Variants in COBL observed in about 807,000 individuals in gnomAD.
COBL encodes protein cordon-bleu.
In COBL, 51 loss-of-function variants were observed where a neutral mutation model predicts 98.8. The ratio of observed to expected loss-of-function variants is 0.52; its 90% CI spans 0.41 to 0.65. The LOEUF (loss-of-function observed/expected upper bound fraction) is 0.65. COBL is among the 30% of genes least tolerant of loss of function. COBL has a pLI of 0.00. For synonymous variants in COBL, 634 were observed against 651.7 expected, an observed-to-expected ratio of 0.97 and a Z score of 0.41; for missense variants, 1,617 against 1,617.5, an observed-to-expected ratio of 1.00 and a Z score of 0.01.
At chr7:51,290,636 C>T (rs1225268492) in intron 1 of COBL, among the ~76,000 whole-genome samples, 2 of 152,006 alleles carry the variant, frequency 1.3e-5, no homozygotes, top group Non-Finnish European at 2.9e-5. Context: ...TCCCTACTGC[C>T]CTGACTTTCT....
chr7:51,310,040 G>C (rs1802865545), intron 1 of COBL, among the ~76,000 whole-genome samples: 1 of 152,232 alleles, frequency 6.6e-6, no homozygotes, highest in Non-Finnish European at 1.5e-5. Context: ...CTGGGAAGCT[G>C]CGGTGGCAAA....
chr7:51,165,558 T>C (rs1370870656), intron 5 of COBL, among the ~76,000 whole-genome samples: 2 of 152,064 alleles, frequency 1.3e-5, no homozygotes, highest in Non-Finnish European at 2.9e-5. Context: ...GGACAGATCT[T>C]CCAAACAAAA....
At chr7:51,030,755 G>T in intron 9 of COBL, 57 bp downstream of exon 9, 1 of 1,103,990 alleles carries the variant, frequency 9.1e-7, no homozygotes, top group Non-Finnish European at 1.4e-6. Flanking sequence ...GGAAGTTACT[G>T]TTGGCACCTA....
intron 1 of COBL, among the ~76,000 whole-genome samples, chr7:51,265,514 T>C (rs1009776405): frequency 1.4e-4 from 22 of 152,158 alleles, no homozygotes; most frequent in African/African-American, 5.3e-4. Context: ...GCCCTAGGAA[T>C]AGAACTTATC....
At chr7:51,280,214 T>C (rs992290945) in intron 1 of COBL, among the ~76,000 whole-genome samples, 1 of 152,096 alleles carries the variant, frequency 6.6e-6, no homozygotes, top group Non-Finnish European at 1.5e-5. Context: ...GCCTGAAACC[T>C]GGGCAGTGGG....
intron 7 of COBL, 44 bp downstream of exon 7, chr7:51,085,122 A>C: frequency 6.2e-7 from 1 of 1,612,376 alleles, no homozygotes; most frequent in Non-Finnish European, 8.5e-7. Flanking sequence ...TCCAGGACAG[A>C]GCAAGCATCC....
chr7:51,111,172 T>C (rs1280118132), intron 6 of COBL, among the ~76,000 whole-genome samples: 1 of 152,214 alleles, frequency 6.6e-6, no homozygotes, highest in Non-Finnish European at 1.5e-5. Flanking sequence ...CTCTTCAACA[T>C]ACTAATTTCA....
chr7:51,102,397 G>T (rs992429634), intron 6 of COBL, among the ~76,000 whole-genome samples: 3 of 152,108 alleles, frequency 2.0e-5, no homozygotes, highest in Non-Finnish European at 4.4e-5. Flanking sequence ...GTGTTTAAGG[G>T]GGAGGGAAGT....
intron 7 of COBL, among the ~76,000 whole-genome samples, chr7:51,068,485 C>G (rs999839177): frequency 2.0e-5 from 3 of 152,192 alleles, no homozygotes; most frequent in African/African-American, 7.2e-5. Context: ...ATTTTGCTAA[C>G]TTTCCCATTC....
intron 1 of COBL, among the ~76,000 whole-genome samples, chr7:51,236,854 C>G (rs933545701): frequency 6.6e-6 from 1 of 152,196 alleles, no homozygotes; most frequent in African/African-American, 2.4e-5. Context: ...CCTAAACCCA[C>G]CTCTGCCCTG....
chr7:51,071,545 T>C (rs1358467658), intron 7 of COBL: 1 of 152,182 alleles, frequency 6.6e-6, no homozygotes, highest in Non-Finnish European at 1.5e-5. Context: ...GACTTAGCCC[T>C]ATTGCATTTG....
chr7:51,250,521 A>C (rs1396878332), intron 1 of COBL, among the ~76,000 whole-genome samples: 1 of 152,218 alleles, frequency 6.6e-6, no homozygotes, highest in Non-Finnish European at 1.5e-5. Flanking sequence ...AGAAAACTGA[A>C]AATGACAGAG....
chr7:51,283,405 T>C (rs770110585), intron 1 of COBL, among the ~76,000 whole-genome samples: 28 of 152,312 alleles, frequency 1.8e-4, no homozygotes, highest in Middle Eastern at 3.4e-3. Flanking sequence ...TTCTCAAAAA[T>C]CACTACCAAC....
chr7:51,187,331 T>TATATATATACAC (rs1554421096), intron 4 of COBL, among the ~76,000 whole-genome samples: 1 of 101,424 alleles, frequency 9.9e-6, no homozygotes, highest in African/African-American at 3.5e-5. Context: ...TATATATATA[T>TATATATATACAC]ACACACACAC....
chr7:51,238,715 C>T (rs1228210983), intron 1 of COBL, among the ~76,000 whole-genome samples: 1 of 152,144 alleles, frequency 6.6e-6, no homozygotes, highest in Non-Finnish European at 1.5e-5. Context: ...CCTCCCAGCC[C>T]CCACCACAAT....
intron 7 of COBL, chr7:51,070,714 CTG>C (rs1792454393): frequency 6.6e-6 from 1 of 152,160 alleles, no homozygotes; most frequent in Non-Finnish European, 1.5e-5. Flanking sequence ...AGCATGAAAA[CTG>C]TGAAAATTAA....
At chr7:51,248,464 A>G (rs1796453505) in intron 1 of COBL, among the ~76,000 whole-genome samples, 1 of 152,180 alleles carries the variant, frequency 6.6e-6, no homozygotes, top group Non-Finnish European at 1.5e-5. Context: ...AAAAACTGTC[A>G]GACGATCCAT....
chr7:51,156,873 C>A (rs549740723), intron 5 of COBL, among the ~76,000 whole-genome samples: 1 of 152,294 alleles, frequency 6.6e-6, no homozygotes, highest in East Asian at 1.9e-4. Flanking sequence ...AACACAGGTG[C>A]CCCTAAGCTG....
chr7:51,149,363 T>C (rs1185116296), intron 5 of COBL, among the ~76,000 whole-genome samples: 1 of 152,162 alleles, frequency 6.6e-6, no homozygotes, highest in East Asian at 1.9e-4. Context: ...CCAGTCACAC[T>C]TTCTTCAAGG....
Sources: gnomAD v4.1 joint callset for allele counts (sites outside exome capture counted in the v4.1 genomes callset) on GRCh38, gnomAD v4.1.1 for gene constraint, MANE v1.5 for transcripts, NCBI Gene and HGNC (gene_info 2026-07-23, HGNC 2026-07-21) for gene names.